COMMD1: variants seen among roughly 807,000 people sequenced by gnomAD.
COMMD1 encodes the protein COMM domain-containing protein 1.
In COMMD1, 10 loss-of-function variants were observed where a neutral mutation model predicts 17.2. That is an observed-to-expected ratio of 0.58 (90% CI 0.36 to 0.99). The LOEUF is 0.99. Among genes scored for constraint, COMMD1 ranks in the 50% least tolerant of loss-of-function variants. COMMD1 has a pLI of 0.01. For missense variants in COMMD1, 270 were observed against 231.8 expected (o/e 1.17, Z -1.07); for synonymous variants, 97 against 91.6 (o/e 1.06, Z -0.34).
At chr2:61,941,658 C>G (rs972360342) in intron 1 of COMMD1, among the ~76,000 whole-genome samples, 3 of 152,178 alleles carry the variant, frequency 2.0e-5, no homozygotes, top group Non-Finnish European at 2.9e-5. Flanking sequence ...TGGTTGTTGT[C>G]TCAGGAATAA....
In COMMD1 at chr2:61,951,747, C is replaced by T. The variant is rs1462203317; in HGVS notation, c.180+45889C>T. ...TCAACATGATAGCGAACATATCTATCACTCCCAAAAATTTCTCCAGTGTCC... is the reference window on the plus strand; with the variant it reads ...TCAACATGATAGCGAACATATCTATTACTCCCAAAAATTTCTCCAGTGTCC... On this transcript the variant is annotated intron_variant, in intron 1 of 2. Transcript: ENST00000311832. Among the ~76,000 whole-genome samples, 3 of 152,258 alleles carry T rather than the reference C, an allele frequency of 2.0e-5. No individual in the cohort carries two copies. In the East Asian group the frequency reaches 5.8e-4, roughly 29 times the overall value.
intron 1 of COMMD1, among the ~76,000 whole-genome samples, chr2:61,990,800 A>G (rs1448025007): frequency 6.6e-6 from 1 of 151,826 alleles, no homozygotes. Context: ...TCCCTCTCAC[A>G]ACATATGGGA....
upstream of COMMD1, chr2:61,888,528 G>A (rs745685477): frequency 6.2e-7 from 1 of 1,606,638 alleles, no homozygotes; most frequent in South Asian, 1.1e-5. Flanking sequence ...GCTGTGTCTG[G>A]GTTGGCTCGG....
At chr2:61,936,211 T>C (rs1257816045) in intron 1 of COMMD1, among the ~76,000 whole-genome samples, 1 of 152,162 alleles carries the variant, frequency 6.6e-6, no homozygotes, top group Non-Finnish European at 1.5e-5. Flanking sequence ...GTTCTGGAAA[T>C]TCCTACCCAG....
In COMMD1 at chr2:62,066,232, C is replaced by CT. The variant is rs916465597; in HGVS notation, c.462+65259dup. ...TGACCCACAGATACTCCCTACCCCA[C>CT]TTTTTTTTTCCCCCACTACTGTGCT... On this transcript the variant is annotated intron_variant, in intron 2 of 2. Coordinates refer to ENST00000311832, the MANE Select transcript of COMMD1 (RefSeq NM_152516.4). Among the ~76,000 whole-genome samples the CT allele has an allele frequency of 1.5e-4, 22 of 151,472 alleles. No homozygotes were observed. The East Asian group carries it at 2.1e-3, about 15-fold the overall frequency.
intron 2 of COMMD1, chr2:62,118,807 A>G (rs975743584): frequency 6.6e-6 from 1 of 152,246 alleles, no homozygotes; most frequent in Non-Finnish European, 1.5e-5. Context: ...TTAAGCAGAT[A>G]GCTTTGGTCT....
intron 2 of COMMD1, among the ~76,000 whole-genome samples, chr2:62,129,040 G>A (rs1672958425): frequency 1.3e-5 from 2 of 152,012 alleles, no homozygotes; most frequent in East Asian, 1.9e-4. Context: ...TACTTGGAGG[G>A]CAACCTTCTT....
chr2:61,892,165 A>C (rs1390032537), intron 1 of COMMD1, among the ~76,000 whole-genome samples: 2 of 151,968 alleles, frequency 1.3e-5, no homozygotes, highest in African/African-American at 4.8e-5. Flanking sequence ...TTTCCAAAAC[A>C]AAACAAAACC....
chr2:62,047,637 G>C (rs545426097), intron 2 of COMMD1, among the ~76,000 whole-genome samples: 1 of 151,906 alleles, frequency 6.6e-6, no homozygotes, highest in East Asian at 1.9e-4. Context: ...GTATTTTTAG[G>C]AGAGATGGGG....
intron 2 of COMMD1, among the ~76,000 whole-genome samples, chr2:62,041,874 A>G (rs1027367982): frequency 4.6e-5 from 7 of 152,238 alleles, no homozygotes; most frequent in African/African-American, 1.7e-4. Flanking sequence ...GTTGCAGCTC[A>G]TAAAGGCGAT....
intron 1 of COMMD1, chr2:61,928,842 G>T (rs913353008): frequency 2.6e-5 from 4 of 152,142 alleles, no homozygotes; most frequent in Admixed American, 2.6e-4. Flanking sequence ...CAGGTCCCAA[G>T]ATCCTCATCT....
At chr2:62,033,831 T>C (rs1222790219) in intron 2 of COMMD1, among the ~76,000 whole-genome samples, 1 of 151,996 alleles carries the variant, frequency 6.6e-6, no homozygotes, top group Non-Finnish European at 1.5e-5. Flanking sequence ...CAAAAGAGGC[T>C]GGACACAGTG....
At chr2:61,953,494 G>A (rs1344288051) in intron 1 of COMMD1, among the ~76,000 whole-genome samples, 2 of 150,974 alleles carry the variant, frequency 1.3e-5, no homozygotes, top group Non-Finnish European at 2.9e-5. Context: ...TCAGCCTCAC[G>A]AGTAGCTGGG....
At chr2:61,939,423 GC>G (rs1670682760) in intron 1 of COMMD1, among the ~76,000 whole-genome samples, 1 of 151,136 alleles carries the variant, frequency 6.6e-6, no homozygotes, top group African/African-American at 2.4e-5. Flanking sequence ...CCGAGATTGC[GC>G]CACTGCACTC....
At chr2:61,960,885 G>T (rs947403307) in intron 1 of COMMD1, among the ~76,000 whole-genome samples, 1 of 152,222 alleles carries the variant, frequency 6.6e-6, no homozygotes, top group South Asian at 2.1e-4. Flanking sequence ...CCTCGGGCGA[G>T]GTTACCTGGT....
chr2:62,017,579 A>C (rs1217688687), intron 2 of COMMD1, among the ~76,000 whole-genome samples: 1 of 151,860 alleles, frequency 6.6e-6, no homozygotes, highest in African/African-American at 2.4e-5. Flanking sequence ...CTGAAGTGGG[A>C]GGATTGCCTG....
Position 61,921,730 on chromosome 2 carries a change from A to G in COMMD1, c.180+15872A>G, listed in dbSNP as rs184783293. ...AGTGCTGGGATTACAGGCGTGAGCC[A>G]CCGTGCCCAGCCCAACCCAGTATTA... On this transcript the variant is annotated intron_variant, in intron 1 of 2. Coordinates refer to ENST00000311832, the MANE Select transcript of COMMD1 (RefSeq NM_152516.4). Among the ~76,000 whole-genome samples the G allele has an allele frequency of 7.4e-3, 1,134 of 152,314 alleles. 19 individuals carry two copies. Among genetic ancestry groups the G allele is most frequent in the African/African-American group, 0.026 (1,096 of 41,570 alleles).
intron 1 of COMMD1, among the ~76,000 whole-genome samples, chr2:61,991,737 G>A (rs1335116124): frequency 6.6e-6 from 1 of 152,136 alleles, no homozygotes; most frequent in East Asian, 1.9e-4. Context: ...CATCATATTG[G>A]GATTGCTAGT....
At chr2:61,995,939 G>A (rs552171710) in intron 1 of COMMD1, among the ~76,000 whole-genome samples, 2 of 152,160 alleles carry the variant, frequency 1.3e-5, no homozygotes, top group African/African-American at 4.8e-5. Flanking sequence ...GCAATTAAGC[G>A]AGTCACATGA....
Sources: allele counts gnomAD v4.1 joint callset (sites outside exome capture counted in the v4.1 genomes callset), GRCh38; gene constraint gnomAD v4.1.1; transcripts MANE v1.5; gene names NCBI Gene and HGNC (gene_info 2026-07-23, HGNC 2026-07-21).